Variants in EDARADD observed in about 807,000 individuals in gnomAD.
The protein encoded by EDARADD is ectodysplasin-A receptor-associated adapter protein.
In EDARADD, 20 loss-of-function variants were observed where a neutral mutation model predicts 25.6. That is an observed-to-expected ratio of 0.78 (90% CI 0.55 to 1.14). The LOEUF is 1.14. Among genes scored for constraint, EDARADD ranks in the 50% most tolerant of loss-of-function variants. EDARADD has a pLI of 0.00. For synonymous variants in EDARADD, 86 were observed against 94.4 expected (o/e 0.91, Z 0.52); for missense variants, 225 against 270.1 (o/e 0.83, Z 1.17).
intron 5 of EDARADD, among the ~76,000 whole-genome samples, chr1:236,471,293 G>T (rs973694559): frequency 6.6e-6 from 1 of 152,144 alleles, no homozygotes; most frequent in African/African-American, 2.4e-5. Flanking sequence ...CCTTGGGTCA[G>T]TTTCTTAGTA....
At chr1:236,354,344 G>A (rs752216244) in intron 3 of EDARADD, among the ~76,000 whole-genome samples, 2 of 152,102 alleles carry the variant, frequency 1.3e-5, no homozygotes, top group South Asian at 4.1e-4. Context: ...ACTTGGGTTC[G>A]AATCCAGCAT....
At chr1:236,411,574 C>T (rs190423120) in intron 2 of EDARADD, among the ~76,000 whole-genome samples, 2 of 144,334 alleles carry the variant, frequency 1.4e-5, no homozygotes, top group East Asian at 4.1e-4. Context: ...TGGGGTTTCA[C>T]TCTTGTCGCC....
At chr1:236,358,524 CT>C (rs1667009215) in intron 3 of EDARADD, among the ~76,000 whole-genome samples, 2 of 152,334 alleles carry the variant, frequency 1.3e-5, no homozygotes, top group South Asian at 4.1e-4. Context: ...ATAAATTTCC[CT>C]CTTAACACAG....
chr1:236,429,373 CTTTA>C (rs529468486), intron 4 of EDARADD, among the ~76,000 whole-genome samples: 4,355 of 150,184 alleles, frequency 0.029, 210 homozygotes, highest in African/African-American at 0.1. Context: ...TGCCCGGCTA[CTTTA>C]TTTATTTATT....
intron 3 of EDARADD, among the ~76,000 whole-genome samples, chr1:236,369,638 T>A (rs1029260108): frequency 7.9e-5 from 12 of 152,082 alleles, no homozygotes; most frequent in African/African-American, 2.7e-4. Context: ...GGTCAGGAGT[T>A]CGAGACCAGC....
At chr1:236,360,827 G>C (rs930727762) in intron 3 of EDARADD, among the ~76,000 whole-genome samples, 2 of 152,050 alleles carry the variant, frequency 1.3e-5, no homozygotes, top group African/African-American at 4.8e-5. Flanking sequence ...GATTAGAAGT[G>C]TGAGCCACCA....
At chr1:236,477,855 C>T (rs576210734) in intron 5 of EDARADD, among the ~76,000 whole-genome samples, 1 of 152,258 alleles carries the variant, frequency 6.6e-6, no homozygotes, top group East Asian at 1.9e-4. Context: ...GTAATCTCAG[C>T]ACATTGGGAG....
At chr1:236,362,106 C>T (rs769745584) in intron 3 of EDARADD, among the ~76,000 whole-genome samples, 4 of 151,772 alleles carry the variant, frequency 2.6e-5, no homozygotes, top group South Asian at 2.1e-4. Flanking sequence ...GACAGGATTT[C>T]GCTTTGTCAT....
chr1:236,422,132 A>C (rs576740221), intron 3 of EDARADD, among the ~76,000 whole-genome samples: 115 of 152,250 alleles, frequency 7.6e-4, no homozygotes, highest in African/African-American at 2.5e-3. Flanking sequence ...AGTGACACCC[A>C]GTAACTTACA....
At chr1:236,374,125 G>C (rs774394151) in intron 3 of EDARADD, among the ~76,000 whole-genome samples, 2 of 152,182 alleles carry the variant, frequency 1.3e-5, no homozygotes, top group Non-Finnish European at 2.9e-5. Flanking sequence ...CTTGGAAAGA[G>C]TGTGTGTTCT....
chr1:236,420,054 C>A (rs1342050464), intron 3 of EDARADD, among the ~76,000 whole-genome samples: 2 of 152,130 alleles, frequency 1.3e-5, no homozygotes, highest in African/African-American at 4.8e-5. Context: ...GTGGTGGTGG[C>A]ACGCACCTGT....
intron 3 of EDARADD, among the ~76,000 whole-genome samples, chr1:236,382,471 T>C (rs956953955): frequency 7.2e-5 from 11 of 152,342 alleles, no homozygotes; most frequent in African/African-American, 2.2e-4. Context: ...ATTGACCAGT[T>C]TTTCTCCTTA....
In EDARADD at chr1:236,452,966, A is replaced by G. The variant is rs185245284; in HGVS notation, c.220-15265A>G. Reference sequence around the variant, plus strand: ...TGTTTCAACTATTTCACTGTTCTAAATGCTGCTTCGGTGAATGTCACGATG... The same window carrying G: ...TGTTTCAACTATTTCACTGTTCTAAGTGCTGCTTCGGTGAATGTCACGATG... On this transcript the variant is annotated intron_variant, in intron 4 of 5. Coordinates refer to ENST00000334232, the MANE Select transcript of EDARADD (RefSeq NM_145861.4). Among the ~76,000 whole-genome samples, 13 of 152,232 alleles carry G rather than the reference A, an allele frequency of 8.5e-5. No individual in the cohort carries two copies. In the East Asian group the frequency reaches 2.3e-3, roughly 27 times the overall value.
intron 3 of EDARADD, among the ~76,000 whole-genome samples, chr1:236,418,751 A>G (rs551341974): frequency 1.2e-4 from 19 of 152,350 alleles, no homozygotes; most frequent in African/African-American, 4.3e-4. Context: ...TAGGAAGCCA[A>G]TATGTTGTAT....
At chr1:236,452,185 T>C (rs1658731878) in intron 4 of EDARADD, among the ~76,000 whole-genome samples, 1 of 152,176 alleles carries the variant, frequency 6.6e-6, no homozygotes, top group African/African-American at 2.4e-5. Flanking sequence ...CCCCTAGTGG[T>C]GATCTTGACG....
chr1:236,350,257 T>C (rs1384055578), intron 2 of EDARADD, among the ~76,000 whole-genome samples: 1 of 152,220 alleles, frequency 6.6e-6, no homozygotes, highest in Non-Finnish European at 1.5e-5. Flanking sequence ...ATTTTCTTCC[T>C]TGTTATGCCA....
chr1:236,478,884 C>T (rs1193132538), intron 5 of EDARADD, among the ~76,000 whole-genome samples: 4 of 152,096 alleles, frequency 2.6e-5, no homozygotes, highest in African/African-American at 9.7e-5. Context: ...CCGCGCCCAG[C>T]GAGACTGTTA....
At chr1:236,425,561 T>C (rs1482558676) in intron 3 of EDARADD, among the ~76,000 whole-genome samples, 3 of 152,234 alleles carry the variant, frequency 2.0e-5, no homozygotes, top group Admixed American at 2.0e-4. Context: ...TGGCCAGTGA[T>C]GGTCACCAAG....
intron 3 of EDARADD, among the ~76,000 whole-genome samples, chr1:236,384,341 G>A (rs972942386): frequency 9.9e-5 from 15 of 152,242 alleles, no homozygotes; most frequent in Admixed American, 7.8e-4. Context: ...TTTGCCGATC[G>A]GTTAACTCAT....
Sources: gnomAD v4.1 joint callset for allele counts (sites outside exome capture counted in the v4.1 genomes callset) on GRCh38, gnomAD v4.1.1 for gene constraint, MANE v1.5 for transcripts, NCBI Gene and HGNC (gene_info 2026-07-23, HGNC 2026-07-21) for gene names.